Variants in CLCNKB observed in about 807,000 individuals in gnomAD.
CLCNKB encodes the protein chloride voltage-gated channel Kb, also known as chloride channel protein ClC-Kb.
A neutral mutation model predicts 83.8 loss-of-function variants in CLCNKB; 74 were observed. The observed-to-expected ratio is 0.88, with a 90% CI of 0.73 to 1.07. The LOEUF (loss-of-function observed/expected upper bound fraction) is 1.07. Ranked by LOEUF, CLCNKB falls within the 50% of genes least tolerant of loss-of-function variation. The pLI is 0.00. For synonymous variants in CLCNKB, 358 were observed against 356.6 expected (o/e 1.00, Z -0.04); for missense variants, 798 against 893.6 (o/e 0.89, Z 1.36).
chr1:16,055,431 C>G lies in CLCNKB; in HGVS notation c.1757-4C>G. ...CTCCCTCTGGCTGTCTCTCCACTTG[C>G]CAGAGTCCCAGATCCTGGTGGGCAT... On this transcript the variant is annotated splice_region_variant and splice_polypyrimidine_tract_variant and intron_variant, in intron 16 of 19. Coordinates refer to ENST00000375679, the MANE Select transcript of CLCNKB (RefSeq NM_000085.5). 1 of 1,613,104 alleles carries G rather than the reference C, an allele frequency of 6.2e-7. No individual in the cohort carries two copies. Among genetic ancestry groups the G allele is most frequent in the Non-Finnish European group, 8.5e-7 (1 of 1,179,494 alleles).
intron 10 of CLCNKB, 93 bp from the exon 11 acceptor site, chr1:16,050,423 C>A: frequency 7.3e-7 from 1 of 1,377,212 alleles, no homozygotes; most frequent in Non-Finnish European, 1.0e-6. Context: ...TCCTGCTCTT[C>A]CTCCCCAGTC....
intron 3 of CLCNKB, 24 bp downstream of exon 3, chr1:16,045,710 G>A (rs1157799361): frequency 1.9e-6 from 3 of 1,602,780 alleles, no homozygotes; most frequent in East Asian, 2.3e-5. Flanking sequence ...GGCAGGTGCT[G>A]CTCTGGGCCA....
chr1:16,044,358 C>CAT, intron 1 of CLCNKB, 128 bp from the exon 2 acceptor site: 20 of 603,874 alleles, frequency 3.3e-5, no homozygotes, highest in South Asian at 9.1e-5. Context: ...ACTTCACATA[C>CAT]ACACACACAC....
In CLCNKB at chr1:16,046,563, G is replaced by A. The variant is rs143339401; in HGVS notation, c.258G>A (p.Gly86=). ...RAHQWLYREI[G]DSHLLRYLSW... is the part of the protein sequence containing the mutation. ...ACCAGTGGCTGTACAGGGAGATTGGGGACAGCCACCTGCTCCGGTATCTCT... is the reference window on the plus strand; with the variant it reads ...ACCAGTGGCTGTACAGGGAGATTGGAGACAGCCACCTGCTCCGGTATCTCT... Residue 86 remains glycine, a synonymous_variant, in exon 4 of 20, where the codon GGG becomes GGA. Transcript: ENST00000375679. 5.7e-4 allele frequency: 912 copies of A among 1,614,044 alleles called. 5 individuals are homozygous for A. In the African/African-American group the frequency reaches 9.2e-3, roughly 16 times the overall value.
chr1:16,055,381 G>C, intron 16 of CLCNKB, 54 bp from the exon 17 acceptor site: 1 of 1,413,042 alleles, frequency 7.1e-7, no homozygotes, highest in South Asian at 1.2e-5. Flanking sequence ...AAGTAAATGT[G>C]AGTCCCTGTT....
In CLCNKB at chr1:16,046,587, C is replaced by T. The variant is rs749663302; in HGVS notation, c.282C>T (p.Leu94=). The T allele has an allele frequency of 9.9e-5, 160 of 1,614,062 alleles. No individual in the cohort carries two copies. The highest frequency in any genetic ancestry group is 1.2e-4 in the Non-Finnish European group (138 of 1,180,040). The part of the protein sequence containing the change: ...EIGDSHLLRY[L]SWTVYPVALV... ...GGGACAGCCACCTGCTCCGGTATCT[C>T]TCCTGGACTGTGTACCCTGTGGCCC... The change falls in exon 4 of 20, where the codon CTC becomes CTT. Residue 94 remains leucine (L), a synonymous_variant. Transcript: ENST00000375679.
chr1:16,050,505 A>G lies in CLCNKB; in HGVS notation c.969-11A>G, dbSNP rs201097879. ...GGAGGGCCAGCCCTAGAGCCCACCC[A>G]TCCCCCACAGCAAGCCTGTGTACTC... On this transcript the variant is annotated splice_polypyrimidine_tract_variant and intron_variant, in intron 10 of 19. Coordinates refer to ENST00000375679, the MANE Select transcript of CLCNKB (RefSeq NM_000085.5). 3.2e-5 allele frequency: 51 copies of G among 1,613,424 alleles called. No individual in the cohort carries two copies. The highest frequency in any genetic ancestry group is 2.5e-4 in the East Asian group (11 of 44,824).
In CLCNKB at chr1:16,049,169, T is replaced by A; in HGVS notation, c.705T>A (p.Asp235Glu). 1.9e-6 allele frequency: 3 copies of A among 1,613,452 alleles called. No individual in the cohort carries two copies. Among genetic ancestry groups the A allele is most frequent in the Non-Finnish European group, 2.5e-6 (3 of 1,179,976 alleles). Residue 235 changes from aspartate to glutamate, a missense_variant, in exon 8 of 20, where the codon GAT becomes GAA. Physicochemically the swap from Asp to Glu is conservative, Grantham distance 45. Coordinates refer to ENST00000375679, the MANE Select transcript of CLCNKB (RefSeq NM_000085.5). ...TGTCTTCCCACTTCTCTGTCTGGGA[T>A]TACTGGAGGGGCTTCTTTGCGGCCA... ...EVMSSHFSVW[D>E]YWRGFFAATC...
intron 2 of CLCNKB, 145 bp from the exon 3 acceptor site, chr1:16,045,413 G>C (rs2023069246): frequency 1.1e-6 from 1 of 925,596 alleles, no homozygotes; most frequent in Admixed American, 2.1e-5. Context: ...GTGAGGCAGG[G>C]CCCCCTCGGG....
chr1:16,054,833 A>C (rs1311484274), intron 16 of CLCNKB, among the ~76,000 whole-genome samples: 4 of 152,130 alleles, frequency 2.6e-5, no homozygotes, highest in Non-Finnish European at 5.9e-5. Flanking sequence ...CCCAAGAAAT[A>C]GCCTTCAGTG....
chr1:16,048,954 C>T (rs775517871), intron 7 of CLCNKB, 166 bp from the exon 8 acceptor site: 2 of 1,504,532 alleles, frequency 1.3e-6, no homozygotes, highest in Admixed American at 2.3e-5. Context: ...GCAGCGGGCT[C>T]CTCCCCGCCC....
rs1160908792 is a variant in CLCNKB, at chr1:16,046,674, A to G, written c.358+11A>G. On this transcript the variant is annotated intron_variant, in intron 4 of 19. Coordinates refer to ENST00000375679, the MANE Select transcript of CLCNKB (RefSeq NM_000085.5). The stretch of plus-strand genomic sequence containing the variant: ...CACCCTCCTCTGGAGGTGAGTCCAC[A>G]GTCGCTACGCCAGTCCCCACTGGCC... 9 of 1,610,992 alleles carry G rather than the reference A, an allele frequency of 5.6e-6. No individual in the cohort carries two copies. The highest frequency in any genetic ancestry group is 1.6e-4 in the Middle Eastern group (1 of 6,082).
chr1:16,051,369 G>C, intron 12 of CLCNKB, 109 bp from the exon 13 acceptor site: 7 of 1,382,468 alleles, frequency 5.1e-6, no homozygotes, highest in Non-Finnish European at 7.2e-6. Context: ...GTGCATGGCC[G>C]GCACCCTCTT....
chr1:16,056,282 G>A, intron 18 of CLCNKB, 140 bp from the exon 19 acceptor site: 4 of 907,938 alleles, frequency 4.4e-6, no homozygotes, highest in South Asian at 2.7e-5. Context: ...GGCCACATTG[G>A]ACATTGCAGG....
chr1:16,050,771 G>A, intron 11 of CLCNKB, 104 bp from the exon 12 acceptor site: 1 of 1,574,842 alleles, frequency 6.3e-7, no homozygotes, highest in Non-Finnish European at 8.6e-7. Flanking sequence ...CCCCCCGCTG[G>A]GAAGTGGCAG....
intron 1 of CLCNKB, 26 bp from the exon 2 acceptor site, chr1:16,044,460 G>T (rs769642303): frequency 6.4e-7 from 1 of 1,568,900 alleles, no homozygotes; most frequent in Admixed American, 1.9e-5. Flanking sequence ...GCTCACCGCG[G>T]TCCCTCCCTC....
rs57591489 is a variant in CLCNKB at position 16,045,779 on chromosome 1, T to TG, written c.229+101dup. On this transcript the variant is annotated intron_variant, in intron 3 of 19. Coordinates refer to ENST00000375679, the MANE Select transcript of CLCNKB (RefSeq NM_000085.5). ...GGATGTCGCCAGGTGCAGCGGAGGT[T>TG]GGGGGGGGTGCTCTGGGTGGGGATC... The TG allele has an allele frequency of 0.013, 7,214 of 571,864 alleles. 99 individuals carry two copies. The highest frequency in any genetic ancestry group is 0.099 in the Admixed American group (3,773 of 38,048). 35.4% of individuals were successfully genotyped at this position (571,864 alleles called of 1,614,324 possible). A position where few individuals can be genotyped will look rare whatever the true frequency, so the allele number is the denominator to read the frequency against.
At chr1:16,047,649 G>C (rs1474641314) in intron 4 of CLCNKB, among the ~76,000 whole-genome samples, 1 of 151,936 alleles carries the variant, frequency 6.6e-6, no homozygotes, top group African/African-American at 2.4e-5. Flanking sequence ...TCCACCTATA[G>C]TCCCAGCTAT....
At position 16,044,378 on chromosome 1, in the gene CLCNKB, C is replaced by T. The variant is rs10803411; in HGVS notation, c.-7-108C>T. ...ACATACACACACACACACACACACA[C>T]GCACAATCTTTCCTCTTCATGGGTG... On this transcript the variant is annotated intron_variant, in intron 1 of 19. Coordinates refer to ENST00000375679, the MANE Select transcript of CLCNKB (RefSeq NM_000085.5). 6,021 of 738,910 alleles carry T rather than the reference C, an allele frequency of 8.1e-3. 222 individuals carry two copies. The highest frequency in any genetic ancestry group is 9.9e-3 in the Non-Finnish European group (4,187 of 422,452). The allele number at this position is 738,910 out of a possible 1,614,324, so 45.8% of individuals were successfully genotyped here.
Sources: gnomAD v4.1 joint callset for allele counts (sites outside exome capture counted in the v4.1 genomes callset) on GRCh38, gnomAD v4.1.1 for gene constraint, MANE v1.5 for transcripts, NCBI Gene and HGNC (gene_info 2026-07-23, HGNC 2026-07-21) for gene names.